The following SLC39A11 variants were observed in gnomAD, a reference collection of about 807,000 sequenced individuals.
The protein encoded by SLC39A11 is zinc transporter ZIP11.
In SLC39A11, 33 loss-of-function variants were observed where a neutral mutation model predicts 36.1. The ratio of observed to expected loss-of-function variants is 0.91; its 90% CI spans 0.69 to 1.22. The LOEUF (loss-of-function observed/expected upper bound fraction) is 1.22. Among genes scored for constraint, SLC39A11 ranks in the 50% most tolerant of loss-of-function variants. The pLI is 0.00. For missense variants in SLC39A11, 432 were observed against 430.3 expected (o/e 1.00, Z -0.03); for synonymous variants, 166 against 170.3 (o/e 0.97, Z 0.20).
At chr17:72,648,739 T>C (rs1280694726) in intron 9 of SLC39A11, 64 bp downstream of exon 9, 8 of 1,597,090 alleles carry the variant, frequency 5.0e-6, no homozygotes, top group Admixed American at 1.7e-5. Flanking sequence ...AAAGAGCATA[T>C]CCCAAGGCTG....
chr17:72,855,892 G>A (rs550801839), intron 5 of SLC39A11, among the ~76,000 whole-genome samples: 4 of 148,856 alleles, frequency 2.7e-5, no homozygotes, highest in Non-Finnish European at 4.4e-5. Flanking sequence ...GCGAGAATCC[G>A]TCTCAAAAAA....
chr17:72,933,754 A>C (rs1259766374), intron 5 of SLC39A11, among the ~76,000 whole-genome samples: 3 of 152,170 alleles, frequency 2.0e-5, no homozygotes, highest in Non-Finnish European at 2.9e-5. Context: ...TCCTGACCTC[A>C]AACGATCCAC....
chr17:72,713,160 G>A (rs920756539), intron 7 of SLC39A11, among the ~76,000 whole-genome samples: 4 of 152,156 alleles, frequency 2.6e-5, no homozygotes, highest in African/African-American at 9.7e-5. Context: ...GACTTAGCCC[G>A]TGGAGTTCGT....
chr17:72,879,975 A>AT (rs2081111987), intron 5 of SLC39A11, among the ~76,000 whole-genome samples: 1 of 151,908 alleles, frequency 6.6e-6, no homozygotes, highest in African/African-American at 2.4e-5. Context: ...ATTTGTCCAG[A>AT]CTCCTTAAAA....
At chr17:72,682,589 T>C (rs544257463) in intron 7 of SLC39A11, among the ~76,000 whole-genome samples, 10 of 152,196 alleles carry the variant, frequency 6.6e-5, no homozygotes, top group Admixed American at 1.3e-4. Context: ...CACAGCTGAT[T>C]GTGGGCAAGA....
At chr17:72,716,982 T>TAC (rs1467908617) in intron 7 of SLC39A11, among the ~76,000 whole-genome samples, 2 of 100,280 alleles carry the variant, frequency 2.0e-5, no homozygotes, top group African/African-American at 4.3e-5. Flanking sequence ...AAAAAAAAAA[T>TAC]ATATATATAT....
intron 5 of SLC39A11, among the ~76,000 whole-genome samples, chr17:72,876,619 T>A (rs1020049734): frequency 1.3e-5 from 2 of 152,134 alleles, no homozygotes; most frequent in Admixed American, 6.5e-5. Flanking sequence ...AATCACTGCA[T>A]CTGGACAATG....
intron 5 of SLC39A11, among the ~76,000 whole-genome samples, chr17:72,931,652 T>G (rs1221403096): frequency 6.6e-6 from 1 of 152,226 alleles, no homozygotes. Flanking sequence ...TGAGGAATCT[T>G]GGAACATGAC....
intron 5 of SLC39A11, among the ~76,000 whole-genome samples, chr17:72,872,701 C>T (rs2080697734): frequency 6.6e-6 from 1 of 152,106 alleles, no homozygotes; most frequent in Non-Finnish European, 1.5e-5. Flanking sequence ...AACTAACCAC[C>T]CCCTCCGTTG....
At chr17:72,898,882 C>T (rs957493833) in intron 5 of SLC39A11, among the ~76,000 whole-genome samples, 1 of 152,182 alleles carries the variant, frequency 6.6e-6, no homozygotes, top group East Asian at 1.9e-4. Context: ...CTCAGGGAGG[C>T]GACTGCCAAG....
chr17:72,835,935 G>A (rs1439084534), intron 6 of SLC39A11, among the ~76,000 whole-genome samples: 1 of 152,196 alleles, frequency 6.6e-6, no homozygotes, highest in African/African-American at 2.4e-5. Flanking sequence ...GGTTGTGCTT[G>A]TCCTATGCCT....
chr17:73,009,892 C>T (rs2090415656), intron 4 of SLC39A11, among the ~76,000 whole-genome samples: 1 of 151,722 alleles, frequency 6.6e-6, no homozygotes, highest in Non-Finnish European at 1.5e-5. Flanking sequence ...CCCCACTCCC[C>T]CCACCCCACG....
intron 7 of SLC39A11, among the ~76,000 whole-genome samples, chr17:72,699,868 C>G (rs868798816): frequency 1.3e-5 from 2 of 152,118 alleles, no homozygotes; most frequent in Non-Finnish European, 2.9e-5. Flanking sequence ...CACTAGCTTT[C>G]GGGTTTGCTA....
chr17:72,931,397 C>T (rs2084385360), intron 5 of SLC39A11, among the ~76,000 whole-genome samples: 2 of 152,192 alleles, frequency 1.3e-5, no homozygotes, highest in African/African-American at 4.8e-5. Flanking sequence ...GAGCTGCAGC[C>T]GCCAATGGCC....
chr17:72,663,934 T>A (rs2070603604), intron 7 of SLC39A11: 1 of 153,770 alleles, frequency 6.5e-6, no homozygotes, highest in Admixed American at 6.5e-5. Context: ...GTTTGGAGGT[T>A]CTAGCAGGGG....
intron 5 of SLC39A11, among the ~76,000 whole-genome samples, chr17:72,920,588 C>T (rs1179603618): frequency 1.3e-5 from 2 of 151,066 alleles, no homozygotes; most frequent in Admixed American, 6.6e-5. Context: ...CACACACACC[C>T]TCTTCCCACC....
At chr17:73,074,443 G>T (rs924758133) in intron 3 of SLC39A11, among the ~76,000 whole-genome samples, 2 of 151,780 alleles carry the variant, frequency 1.3e-5, no homozygotes, top group Non-Finnish European at 2.9e-5. Flanking sequence ...GATTAAATGC[G>T]CCCACCACCA....
At chr17:72,697,187 AT>A (rs1263695373) in intron 7 of SLC39A11, among the ~76,000 whole-genome samples, 1 of 152,200 alleles carries the variant, frequency 6.6e-6, no homozygotes, top group African/African-American at 2.4e-5. Flanking sequence ...AGATCAGGTG[AT>A]CCCCCCATGT....
intron 6 of SLC39A11, among the ~76,000 whole-genome samples, chr17:72,766,608 T>A (rs2075770267): frequency 6.6e-6 from 1 of 152,150 alleles, no homozygotes; most frequent in Admixed American, 6.5e-5. Context: ...TCTGCCTGAG[T>A]AGCTAACATC....
Sources: allele counts gnomAD v4.1 joint callset (sites outside exome capture counted in the v4.1 genomes callset), GRCh38; gene constraint gnomAD v4.1.1; transcripts MANE v1.5; gene names NCBI Gene and HGNC (gene_info 2026-07-23, HGNC 2026-07-21).